The following RBBP6 variants were observed in gnomAD, a reference collection of about 807,000 sequenced individuals.
The protein encoded by RBBP6 is RB binding protein 6, ubiquitin ligase.
A neutral mutation model predicts 167.7 loss-of-function variants in RBBP6; 25 were observed. That is an observed-to-expected ratio of 0.15 (90% CI 0.11 to 0.21). RBBP6 has a LOEUF of 0.21. RBBP6 is among the 10% of genes least tolerant of loss of function. The pLI, the probability that RBBP6 is intolerant of heterozygous loss-of-function variation, is 1.00. For synonymous variants in RBBP6, 789 were observed against 735.8 expected, an observed-to-expected ratio of 1.07 and a Z score of -1.17; for missense variants, 1,868 against 2,134.2, an observed-to-expected ratio of 0.88 and a Z score of 2.46.
intron 13 of RBBP6, 118 bp from the exon 14 acceptor site, chr16:24,564,679 G>A: frequency 7.7e-7 from 1 of 1,292,118 alleles, no homozygotes; most frequent in Non-Finnish European, 1.0e-6. Context: ...TAAGAACTGG[G>A]GAGTAGGAAA....
Position 24,569,851 on chromosome 16 carries a change from G to A in RBBP6, c.3161G>A (p.Arg1054Gln), listed in dbSNP as rs376526154. ...GATGGAGAACGTGAGAGATCTCCTC[G>A]ATCTGAACCTCCAATTAAAAAAGCC... ...KVDGERERSPRSEPPIKKAKE... is the reference protein window; with the variant it reads ...KVDGERERSPQSEPPIKKAKE... The change falls in exon 17 of 18, where the codon CGA becomes CAA. Residue 1054 changes from arginine to glutamine, a missense_variant. Physicochemically the swap from Arg to Gln is conservative, Grantham distance 43. Around this residue, in one of 7 missense-constraint regions of RBBP6, gnomAD observed 673 missense variants for 691.5 expected, o/e 0.97. Transcript: ENST00000319715. The A allele has an allele frequency of 1.1e-5, 17 of 1,610,558 alleles. No individual in the cohort carries two copies. Among genetic ancestry groups the A allele is most frequent in the South Asian group, 8.9e-5 (8 of 90,204 alleles).
intron 14 of RBBP6, 90 bp downstream of exon 14, chr16:24,564,955 G>A (rs1894584185): frequency 1.3e-6 from 2 of 1,502,516 alleles, no homozygotes; most frequent in Non-Finnish European, 1.8e-6. Context: ...GTGGCAGGAA[G>A]GAAGGGGGTC....
intron 3 of RBBP6, 60 bp from the exon 4 acceptor site, chr16:24,553,453 G>T (rs1332095423): frequency 7.0e-7 from 1 of 1,423,324 alleles, no homozygotes; most frequent in South Asian, 1.2e-5. Flanking sequence ...GGGGCTAAAT[G>T]ATCACTTTAA....
chr16:24,541,200 AAAACCAAAAAAAC>A lies in RBBP6; in HGVS notation c.166+411_166+423del, dbSNP rs1567268912. ...AATCAGCAAAAAAAAAAACAAAAAA[AAAACCAAAAAAAC>A]AATTTTCTAACCTAACAACATTGTG... On this transcript the variant is annotated intron_variant, in intron 1 of 17. Transcript: ENST00000319715. 3.1e-4 allele frequency among the ~76,000 whole-genome samples: 31 copies of A among 101,544 alleles called. 1 individual carries two copies. Among genetic ancestry groups the A allele is most frequent in the African/African-American group, 1.6e-3 (31 of 18,844 alleles). 66.6% of individuals were successfully genotyped at this position (101,544 alleles called of 152,430 possible). A position where few individuals can be genotyped will look rare whatever the true frequency, so the allele number is the denominator to read the frequency against.
Position 24,569,602 on chromosome 16 carries a change from C to T in RBBP6, c.2912C>T (p.Thr971Ile). 6.2e-7 allele frequency: 1 copy of T among 1,612,230 alleles called. No homozygotes were observed. The highest frequency in any genetic ancestry group is 8.5e-7 in the Non-Finnish European group (1 of 1,179,598). ...CCTACAGGTGTTGAAGAAAATAAAA[C>T]AGACTCATTGTTTGTTCTCCCAAGT... is the stretch of plus-strand genomic sequence containing the variant. Reference protein sequence around the residue: ...REPTGVEENKTDSLFVLPSRD... With the variant: ...REPTGVEENKIDSLFVLPSRD... The change falls in exon 17 of 18, where the codon ACA (threonine) becomes ATA (isoleucine). Residue 971 changes from threonine (T) to isoleucine (I), a missense_variant. By Grantham distance (89) the Thr-to-Ile change is moderately conservative. This residue lies in a region of RBBP6 where 673 missense variants were observed against 691.5 expected (regional missense o/e 0.97). Coordinates refer to ENST00000319715, the MANE Select transcript of RBBP6 (RefSeq NM_006910.5).
At chr16:24,563,918 C>T (rs1202833982) in intron 13 of RBBP6, among the ~76,000 whole-genome samples, 3 of 151,648 alleles carry the variant, frequency 2.0e-5, no homozygotes, top group Non-Finnish European at 4.4e-5. Flanking sequence ...ACTTTCATAT[C>T]CAACAAATGG....
rs747213877 is a variant in RBBP6 at position 24,571,544 on chromosome 16, A to T, written c.4478A>T (p.Glu1493Val). 9.9e-6 allele frequency: 16 copies of T among 1,613,694 alleles called. No individual in the cohort carries two copies. Among genetic ancestry groups the T allele is most frequent in the Non-Finnish European group, 1.4e-5 (16 of 1,179,888 alleles). ...SSSKRRDEKN[E>V]LTRRKDSPSR... is the part of the protein sequence containing the mutation. ...TCCAAACGTAGAGATGAAAAGAATG[A>T]ATTAACAAGACGAAAAGACTCTCCT... The change falls in exon 18 of 18, where the codon GAA becomes GTA. Residue 1493 changes from glutamate (E) to valine (V), a missense_variant. Coordinates refer to ENST00000319715, the MANE Select transcript of RBBP6 (RefSeq NM_006910.5).
Position 24,571,510 on chromosome 16 carries a change from T to G in RBBP6, c.4444T>G (p.Tyr1482Asp), listed in dbSNP as rs748169955. 6.2e-7 allele frequency: 1 copy of G among 1,613,092 alleles called. No individual in the cohort carries two copies. The highest frequency in any genetic ancestry group is 1.7e-5 in the Admixed American group (1 of 59,876). Residue 1482 changes from tyrosine to aspartate, a missense_variant, in exon 18 of 18, where the codon TAT becomes GAT. By Grantham distance (160) the Tyr-to-Asp change is radical. Around this residue, in one of 7 missense-constraint regions of RBBP6, gnomAD observed 591 missense variants for 540.5 expected, o/e 1.09. Transcript: ENST00000319715. ...DKKTDYDTRE[Y>D]SSSKRRDEKN... is the part of the protein sequence containing the mutation. ...AAAAACTGACTATGACACCAGAGAG[T>G]ATTCAAGTTCCAAACGTAGAGATGA...
chr16:24,569,295 A>C lies in RBBP6; in HGVS notation c.2605A>C (p.Asn869His), dbSNP rs758400434. ...NFSPERFLPL[N>H]IRNSPFTRGR... ...TTCTCCAGAGAGATTTTTGCCACTT[A>C]ACATCAGGAATTCTCCCTTCACAAG... Residue 869 changes from asparagine (N) to histidine (H), a missense_variant, in exon 17 of 18, where the codon AAC (asparagine) becomes CAC (histidine). Asn to His is a moderately conservative substitution (Grantham distance 68). Transcript: ENST00000319715. The C allele has an allele frequency of 6.2e-7, 1 of 1,612,142 alleles. No homozygotes were observed. Among genetic ancestry groups the C allele is most frequent in the South Asian group, 1.1e-5 (1 of 90,792 alleles).
At chr16:24,557,067 C>G (rs1159664398) in intron 7 of RBBP6, among the ~76,000 whole-genome samples, 1 of 145,362 alleles carries the variant, frequency 6.9e-6, no homozygotes. Flanking sequence ...GGCACAATCT[C>G]GGCTAACTGC....
Position 24,569,557 on chromosome 16 carries a change from C to T in RBBP6, c.2867C>T (p.Thr956Ile), listed in dbSNP as rs1474247423. ...EGFLNPELLE[T>I]SRKSREPTGV... ...TTTCTGAACCCAGAGTTATTAGAGA[C>T]TTCTAGGAAATCAAGAGAACCTACA... Residue 956 changes from threonine (T) to isoleucine (I), a missense_variant, in exon 17 of 18, where the codon ACT (threonine) becomes ATT (isoleucine). Physicochemically the swap from Thr to Ile is moderately conservative, Grantham distance 89 (BLOSUM62 -1). Around this residue, in one of 7 missense-constraint regions of RBBP6, gnomAD observed 673 missense variants for 691.5 expected, o/e 0.97. Coordinates refer to ENST00000319715, the MANE Select transcript of RBBP6 (RefSeq NM_006910.5). The T allele has an allele frequency of 1.2e-6, 2 of 1,612,192 alleles. No individual in the cohort carries two copies. The highest frequency in any genetic ancestry group is 3.4e-5 in the Admixed American group (2 of 59,572).
intron 7 of RBBP6, among the ~76,000 whole-genome samples, chr16:24,556,673 T>C (rs980313125): frequency 6.6e-6 from 1 of 152,212 alleles, no homozygotes; most frequent in South Asian, 2.1e-4. Flanking sequence ...GCCACTTCCC[T>C]TGTAGTCTTC....
intron 14 of RBBP6, 111 bp downstream of exon 14, chr16:24,564,976 A>G (rs999797843): frequency 1.4e-5 from 21 of 1,467,370 alleles, no homozygotes; most frequent in Non-Finnish European, 1.8e-5. Flanking sequence ...ATTTGTTTGT[A>G]TTGTGCTTAT....
chr16:24,558,713 A>G (rs1374287073), intron 7 of RBBP6, among the ~76,000 whole-genome samples: 3 of 152,104 alleles, frequency 2.0e-5, no homozygotes, highest in African/African-American at 7.2e-5. Context: ...AGCTATTTTT[A>G]TTTTTTAATA....
chr16:24,546,517 A>G (rs552460352), intron 2 of RBBP6, among the ~76,000 whole-genome samples: 1 of 152,344 alleles, frequency 6.6e-6, no homozygotes, highest in East Asian at 1.9e-4. Context: ...TTACAGATAC[A>G]AGAAAGTGAT....
rs562197749 is a variant in RBBP6 at position 24,555,753 on chromosome 16, C to T, written c.437+50C>T. 2.6e-4 allele frequency: 410 copies of T among 1,583,722 alleles called. 2 individuals carry two copies. The African/African-American group carries it at 4.7e-3, about 18-fold the overall frequency. ...AATAGGAACTTTTGGGGTGGGTTTT[C>T]CCCCCCAATCAAAAGCACTATTTTT... is the stretch of plus-strand genomic sequence containing the variant. On this transcript the variant is annotated intron_variant, in intron 5 of 17. Transcript: ENST00000319715.
chr16:24,544,357 A>G (rs1297346596), intron 1 of RBBP6, among the ~76,000 whole-genome samples: 1 of 152,222 alleles, frequency 6.6e-6, no homozygotes. Flanking sequence ...GCCTAAATCT[A>G]GGAAATTGCC....
At position 24,563,424 on chromosome 16, in the gene RBBP6, G is replaced by T; in HGVS notation, c.1388G>T (p.Gly463Val). 1 of 1,602,382 alleles carries T rather than the reference G, an allele frequency of 6.2e-7. No homozygotes were observed. The highest frequency in any genetic ancestry group is 8.5e-7 in the Non-Finnish European group (1 of 1,176,270). Residue 463 changes from glycine (G) to valine (V), a missense_variant and splice_region_variant, in exon 12 of 18, where the codon GGT becomes GTT. By Grantham distance (109) the Gly-to-Val change is moderately radical. Coordinates refer to ENST00000319715, the MANE Select transcript of RBBP6 (RefSeq NM_006910.5). ...GTTTATTTGTGGTTGTTTCTAAAGG[G>T]TTACCAGGTGCCTGTTCTTGGAACC... ...IAITALMEEKGYQVPVLGTPS... is the reference protein window; with the variant it reads ...IAITALMEEKVYQVPVLGTPS...
rs557627727 is a variant in RBBP6, at chr16:24,568,614, T to G, written c.2055-131T>G. The stretch of plus-strand genomic sequence containing the variant: ...TTCCAGTAGAGGTCACTGTGCCTCT[T>G]TAATCATCTAAGATGAAATTTGATA... On this transcript the variant is annotated intron_variant, in intron 16 of 17. Transcript: ENST00000319715. The G allele has an allele frequency of 1.0e-4, 134 of 1,323,396 alleles. No individual in the cohort carries two copies. In the African/African-American group the frequency reaches 1.7e-3, roughly 17 times the overall value. 82.0% of individuals were successfully genotyped at this position (1,323,396 alleles called of 1,614,324 possible).
Sources: gnomAD v4.1 joint callset for allele counts (sites outside exome capture counted in the v4.1 genomes callset) on GRCh38, gnomAD v4.1.1 for gene constraint, gnomAD v4.1.1 regional missense constraint, MANE v1.5 for transcripts, NCBI Gene and HGNC (gene_info 2026-07-23, HGNC 2026-07-21) for gene names.